Variants in TFIP11 observed in about 807,000 individuals in gnomAD.
TFIP11 encodes the protein tuftelin-interacting protein 11.
TFIP11 carries 86 observed loss-of-function variants against 96.8 expected under a neutral mutation model. The observed-to-expected ratio is 0.89, with a 90% CI of 0.75 to 1.06. TFIP11 has a LOEUF of 1.06. TFIP11 is among the 50% of genes least tolerant of loss of function. TFIP11 has a pLI of 0.00. For synonymous variants in TFIP11, 405 were observed against 395.2 expected (o/e 1.02, Z -0.29); for missense variants, 881 against 1,076.7 (o/e 0.82, Z 2.54).
At chr22:26,500,834 A>G (rs1922687462) in intron 8 of TFIP11, among the ~76,000 whole-genome samples, 1 of 151,786 alleles carries the variant, frequency 6.6e-6, no homozygotes, top group African/African-American at 2.4e-5. Context: ...ACAACAGGCA[A>G]CTGTCACCAC....
chr22:26,511,909 G>A (rs541288312), intron 2 of TFIP11, 190 bp downstream of exon 2: 1 of 152,322 alleles, frequency 6.6e-6, no homozygotes, highest in South Asian at 2.1e-4. Flanking sequence ...TGCCTGCGTG[G>A]GCATAGTAAA....
Position 26,499,287 on chromosome 22 carries a change from C to T in TFIP11, c.1146G>A (p.Glu382=), listed in dbSNP as rs200084647. ...NLSKVLEMVE[E]CERRMQPDCS... ...AGTCGGGCTGCATCCGCCGCTCGCA[C>T]TCCTCCACCATCTCCAGGACCTTGC... The change falls in exon 9 of 15, where the codon GAG becomes GAA. Residue 382 remains glutamate (E), a synonymous_variant. Transcript: ENST00000407690. 156 of 1,613,798 alleles carry T rather than the reference C, an allele frequency of 9.7e-5. No individual in the cohort carries two copies. The highest frequency in any genetic ancestry group is 1.2e-4 in the Non-Finnish European group (141 of 1,179,868).
In TFIP11 at chr22:26,500,403, T is replaced by C. The variant is rs1448615500; in HGVS notation, c.802-772A>G. 3.3e-5 allele frequency among the ~76,000 whole-genome samples: 5 copies of C among 152,082 alleles called. No homozygotes were observed. The East Asian group carries it at 9.6e-4, about 29-fold the overall frequency. ...CCAGGAAGGTCTCAATCTCCTGACCTTGTGATCCGCCTGCCTCAGCCTCCC... is the reference window on the plus strand; with the variant it reads ...CCAGGAAGGTCTCAATCTCCTGACCCTGTGATCCGCCTGCCTCAGCCTCCC... On this transcript the variant is annotated intron_variant, in intron 8 of 14. Transcript: ENST00000407690.
chr22:26,511,515 A>AGTC (rs1924059749), intron 2 of TFIP11, among the ~76,000 whole-genome samples: 2 of 152,216 alleles, frequency 1.3e-5, no homozygotes, highest in African/African-American at 2.4e-5. Flanking sequence ...CTAGGGAGTA[A>AGTC]ACTTAGCAAA....
rs151208617 is a variant in TFIP11, at chr22:26,506,914, G to A, written c.224C>T (p.Ser75Phe). 3 of 1,614,068 alleles carry A rather than the reference G, an allele frequency of 1.9e-6. No homozygotes were observed. The highest frequency in any genetic ancestry group is 2.5e-6 in the Non-Finnish European group (3 of 1,180,034). The stretch of plus-strand genomic sequence containing the variant: ...TGCGCTGATGAAGTTGACTGGCGCA[G>A]AGTAGTCACGGGCCCTGTAGGCACA... ...SFGGKRARDY[S>F]APVNFISAGL... Residue 75 changes from serine to phenylalanine, a missense_variant, in exon 5 of 15, where the codon TCT (serine) becomes TTT (phenylalanine). Coordinates refer to ENST00000407690, the MANE Select transcript of TFIP11 (RefSeq NM_012143.4).
chr22:26,502,867 C>T (rs368331307), intron 7 of TFIP11, among the ~76,000 whole-genome samples: 6 of 152,314 alleles, frequency 3.9e-5, no homozygotes, highest in African/African-American at 1.4e-4. Flanking sequence ...TATTGTCTAG[C>T]ACCTGGCTCA....
chr22:26,510,251 G>C lies in TFIP11; in HGVS notation c.22C>G (p.Arg8Gly). 6.2e-7 allele frequency: 1 copy of C among 1,614,072 alleles called. No individual in the cohort carries two copies. Among genetic ancestry groups the C allele is most frequent in the Non-Finnish European group, 8.5e-7 (1 of 1,180,024 alleles). MSLSHLY[R>G]DGEGRIDDDD... is the part of the protein sequence containing the mutation. ...TCATCAATGCGGCCTTCCCCATCCCGGTATAAGTGGGACAATGACATGGCC... is the reference window on the plus strand; with the variant it reads ...TCATCAATGCGGCCTTCCCCATCCCCGTATAAGTGGGACAATGACATGGCC... The change falls in exon 4 of 15, where the codon CGG becomes GGG. Residue 8 changes from arginine to glycine, a missense_variant. By Grantham distance (125) the Arg-to-Gly change is moderately radical (BLOSUM62 -2). Transcript: ENST00000407690.
chr22:26,498,876 A>G lies in TFIP11; in HGVS notation c.1429T>C (p.Phe477Leu). Residue 477 changes from phenylalanine to leucine, a missense_variant, in exon 10 of 15, where the codon TTT becomes CTT. By Grantham distance (22) the Phe-to-Leu change is conservative (BLOSUM62 0). Coordinates refer to ENST00000407690, the MANE Select transcript of TFIP11 (RefSeq NM_012143.4). Reference protein sequence around the residue: ...HGGQDLSADAFHRLIWEVWMP... With the variant: ...HGGQDLSADALHRLIWEVWMP... ...CCCTGCTCTGTGGTGTACCTGTGAA[A>G]GGCATCTGCTGAGAGGTCCTGTCCG... 6.2e-7 allele frequency: 1 copy of G among 1,613,714 alleles called. No individual in the cohort carries two copies. The highest frequency in any genetic ancestry group is 8.5e-7 in the Non-Finnish European group (1 of 1,179,812).
chr22:26,505,709 T>C (rs201120680), intron 6 of TFIP11, among the ~76,000 whole-genome samples: 12 of 107,352 alleles, frequency 1.1e-4, no homozygotes, highest in Non-Finnish European at 1.9e-5. Flanking sequence ...TTTATTTATT[T>C]ATTTATTTAT....
chr22:26,495,606 ATG>A (rs33974369), intron 12 of TFIP11, among the ~76,000 whole-genome samples: 8 of 109,844 alleles, frequency 7.3e-5, no homozygotes, highest in Admixed American at 6.5e-4. Flanking sequence ...ATACATATAT[ATG>A]TGTGTATATA....
chr22:26,499,521 T>G lies in TFIP11; in HGVS notation c.912A>C (p.Pro304=), dbSNP rs772784796. 5 of 1,614,210 alleles carry G rather than the reference T, an allele frequency of 3.1e-6. No individual in the cohort carries two copies. In the Admixed American group the frequency reaches 5.0e-5, roughly 16 times the overall value. The change falls in exon 9 of 15, where the codon CCA becomes CCC. Residue 304 remains proline, a synonymous_variant. Coordinates refer to ENST00000407690, the MANE Select transcript of TFIP11 (RefSeq NM_012143.4). ...DGLPLQSQQL[P]QSGKEAKAPG... The stretch of plus-strand genomic sequence containing the variant: ...GGGCCTTGGCCTCTTTGCCAGACTG[T>G]GGCAGCTGTTGGGACTGTAGCGGCA...
intron 12 of TFIP11, among the ~76,000 whole-genome samples, chr22:26,495,552 G>GTA (rs1490133457): frequency 3.2e-4 from 25 of 77,414 alleles, no homozygotes; most frequent in Admixed American, 5.4e-4. Flanking sequence ...ATATATATGT[G>GTA]TATATATATA....
At chr22:26,509,323 G>A (rs1011913412) in intron 4 of TFIP11, among the ~76,000 whole-genome samples, 3 of 152,110 alleles carry the variant, frequency 2.0e-5, no homozygotes, top group African/African-American at 7.2e-5. Context: ...AGTCATATCA[G>A]CTTAAGGGTC....
At position 26,510,069 on chromosome 22, in the gene TFIP11, G is replaced by T; in HGVS notation, c.204C>A (p.Gly68=). The T allele has an allele frequency of 6.2e-7, 1 of 1,613,292 alleles. No individual in the cohort carries two copies. The change falls in exon 4 of 15, where the codon GGC becomes GGA. Residue 68 remains glycine, a synonymous_variant. Coordinates refer to ENST00000407690, the MANE Select transcript of TFIP11 (RefSeq NM_012143.4). The part of the protein sequence containing the change: ...DSDDERPSFG[G]KRARDYSAPV... ...GCCCCCATGCCAGGCAATACCGTTT[G>T]CCTCCAAAGCTGGGCCTCTCATCAT...
At chr22:26,507,053 A>C in intron 4 of TFIP11, 125 bp from the exon 5 acceptor site, 1 of 1,184,508 alleles carries the variant, frequency 8.4e-7, no homozygotes, top group Non-Finnish European at 1.2e-6. Flanking sequence ...TTTTTTAAAA[A>C]AGTAACACAT....
intron 6 of TFIP11, chr22:26,506,029 G>A (rs909187002): frequency 3.7e-6 from 1 of 267,910 alleles, no homozygotes; most frequent in Non-Finnish European, 7.0e-6. Flanking sequence ...TTTGTTTTTA[G>A]AAGCACTGGT....
rs974718255 is a variant in TFIP11, at chr22:26,492,307, C to T, written c.2220G>A (p.Arg740=). ...NIAYLTHTER[R]KDFQYEAMQE... The stretch of plus-strand genomic sequence containing the variant: ...GCATGGCCTCGTACTGGAAGTCCTT[C>T]CTCCGCTCCGTGTGGGTGAGATAGG... Residue 740 remains arginine, a synonymous_variant, in exon 15 of 15, where the codon AGG becomes AGA. Transcript: ENST00000407690. 2 of 1,614,220 alleles carry T rather than the reference C, an allele frequency of 1.2e-6. No individual in the cohort carries two copies. Among genetic ancestry groups the T allele is most frequent in the Non-Finnish European group, 1.7e-6 (2 of 1,180,044 alleles).
chr22:26,495,668 A>G (rs527239142), intron 12 of TFIP11, among the ~76,000 whole-genome samples: 2 of 59,430 alleles, frequency 3.4e-5, no homozygotes, highest in East Asian at 8.7e-4. Context: ...GCATGTGTGT[A>G]TATATATACA....
At position 26,501,991 on chromosome 22, in the gene TFIP11, T is replaced by C; in HGVS notation, c.710A>G (p.Lys237Arg). 4 of 1,613,902 alleles carry C rather than the reference T, an allele frequency of 2.5e-6. No homozygotes were observed. The highest frequency in any genetic ancestry group is 3.4e-6 in the Non-Finnish European group (4 of 1,179,996). Residue 237 changes from lysine (K) to arginine (R), a missense_variant, in exon 8 of 15, where the codon AAA becomes AGA. Coordinates refer to ENST00000407690, the MANE Select transcript of TFIP11 (RefSeq NM_012143.4). ...KDPSGSKKKP[K>R]YSYKTVEELK... ...CTCTTCCACGGTCTTGTAAGAGTAT[T>C]TGGGCTTCTTCTTGCTTCCACTTGG...
Sources: gnomAD v4.1 joint callset for allele counts (sites outside exome capture counted in the v4.1 genomes callset) on GRCh38, gnomAD v4.1.1 for gene constraint, MANE v1.5 for transcripts, NCBI Gene and HGNC (gene_info 2026-07-23, HGNC 2026-07-21) for gene names.